RDH12: variants seen among roughly 807,000 people sequenced by gnomAD.
RDH12 encodes retinol dehydrogenase 12, also known as all-trans and 9-cis retinol dehydrogenase.
Under a neutral mutation model 34.0 loss-of-function variants are expected in RDH12, and 21 were observed. That is an observed-to-expected ratio of 0.62 (90% CI 0.44 to 0.89). RDH12 has a LOEUF of 0.89. Among genes scored for constraint, RDH12 ranks in the 40% least tolerant of loss-of-function variants. RDH12 has a pLI of 0.00. For missense variants in RDH12, 394 were observed against 398.6 expected (o/e 0.99, Z 0.10); for synonymous variants, 198 against 169.9 (o/e 1.17, Z -1.29).
intron 2 of RDH12, among the ~76,000 whole-genome samples, chr14:67,721,999 GA>G (rs569967718): frequency 7.9e-5 from 12 of 152,144 alleles, no homozygotes; most frequent in African/African-American, 2.6e-4. Flanking sequence ...TGCACAAGTC[GA>G]AAGCATACGA....
chr14:67,705,282 A>G (rs2037939403), intron 1 of RDH12, among the ~76,000 whole-genome samples: 1 of 152,250 alleles, frequency 6.6e-6, no homozygotes, highest in Non-Finnish European at 1.5e-5. Flanking sequence ...ACAACATACA[A>G]GTTAAAATGT....
chr14:67,723,468 T>TA (rs1420192707), intron 3 of RDH12, among the ~76,000 whole-genome samples: 1 of 152,162 alleles, frequency 6.6e-6, no homozygotes, highest in Non-Finnish European at 1.5e-5. Context: ...CTCCTGGGCT[T>TA]AAGCGACCAT....
At chr14:67,713,399 A>T (rs953798601) in intron 1 of RDH12, among the ~76,000 whole-genome samples, 9 of 3,378 alleles carry the variant, frequency 2.7e-3, no homozygotes, top group African/African-American at 5.7e-3. Context: ...TAAAACTCCA[A>T]AAAAAAAAAA....
In RDH12 at chr14:67,724,468, G is replaced by T. The variant is rs754192276; in HGVS notation, c.69-5G>T. 6.3e-7 allele frequency: 1 copy of T among 1,584,458 alleles called. No homozygotes were observed. Among genetic ancestry groups the T allele is most frequent in the South Asian group, 1.1e-5 (1 of 90,176 alleles). ...ACGTGATGCTCTTGTTTCCCTTGCCGATAGGAAGTTCTTTGCTGGTGGAGT... is the reference window on the plus strand; with the variant it reads ...ACGTGATGCTCTTGTTTCCCTTGCCTATAGGAAGTTCTTTGCTGGTGGAGT... On this transcript the variant is annotated splice_region_variant and splice_polypyrimidine_tract_variant and intron_variant, in intron 3 of 8. Transcript: ENST00000551171.
At chr14:67,729,420 C>T (rs1201422908) in intron 8 of RDH12, 40 bp downstream of exon 8, 1 of 1,573,844 alleles carries the variant, frequency 6.4e-7, no homozygotes, top group South Asian at 1.1e-5. Flanking sequence ...CACCTGTGTG[C>T]ATGGGAGGTG....
intron 3 of RDH12, among the ~76,000 whole-genome samples, chr14:67,723,696 C>T: frequency 6.6e-6 from 1 of 152,176 alleles, no homozygotes; most frequent in East Asian, 1.9e-4. Flanking sequence ...GGAAATAATA[C>T]TGGAGAAGTT....
At chr14:67,713,277 CA>C (rs201600760) in intron 1 of RDH12, among the ~76,000 whole-genome samples, 6 of 148,712 alleles carry the variant, frequency 4.0e-5, no homozygotes, top group African/African-American at 7.4e-5. Flanking sequence ...AAAAACAAAA[CA>C]AAAAAAAACC....
rs77686476 is a variant in RDH12, at chr14:67,729,179, T to C, written c.659-12T>C. 1.8e-4 allele frequency: 283 copies of C among 1,612,904 alleles called. No individual in the cohort carries two copies. In the African/African-American group the frequency reaches 3.4e-3, roughly 20 times the overall value. On this transcript the variant is annotated splice_polypyrimidine_tract_variant and intron_variant, in intron 7 of 8. Coordinates refer to ENST00000551171, the MANE Select transcript of RDH12 (RefSeq NM_152443.3). ...GTGTGTCCCTGATCTAATTGTGCCC[T>C]CTTTGTCCCAGGCACCGGGGTCACC... is the stretch of plus-strand genomic sequence containing the variant.
chr14:67,729,187 C>T lies in RDH12; in HGVS notation c.659-4C>T. The T allele has an allele frequency of 6.8e-6, 11 of 1,612,850 alleles. No individual in the cohort carries two copies. Among genetic ancestry groups the T allele is most frequent in the Non-Finnish European group, 9.3e-6 (11 of 1,179,966 alleles). On this transcript the variant is annotated splice_region_variant and splice_polypyrimidine_tract_variant and intron_variant, in intron 7 of 8. Transcript: ENST00000551171. The stretch of plus-strand genomic sequence containing the variant: ...CTGATCTAATTGTGCCCTCTTTGTC[C>T]CAGGCACCGGGGTCACCACCTACGC...
Position 67,733,863 on chromosome 14 carries a change from G to A in RDH12, c.*15G>A. 6.3e-7 allele frequency: 1 copy of A among 1,581,406 alleles called. No homozygotes were observed. Among genetic ancestry groups the A allele is most frequent in the South Asian group, 1.1e-5 (1 of 90,358 alleles). ...GGTGGGAGTAGCTGGTGGAAGAGCT[G>A]CAGCTTTATCAGGCCCAATCCATGC... On this transcript the variant is annotated 3_prime_UTR_variant, in exon 9 of 9. Coordinates refer to ENST00000551171, the MANE Select transcript of RDH12 (RefSeq NM_152443.3).
At chr14:67,709,496 C>T (rs1250458184) in intron 1 of RDH12, among the ~76,000 whole-genome samples, 1 of 152,138 alleles carries the variant, frequency 6.6e-6, no homozygotes, top group Non-Finnish European at 1.5e-5. Flanking sequence ...GACACAGGGG[C>T]CCATATGCTG....
chr14:67,717,039 C>T (rs939272493), intron 1 of RDH12, among the ~76,000 whole-genome samples: 1 of 152,136 alleles, frequency 6.6e-6, no homozygotes, highest in African/African-American at 2.4e-5. Context: ...ATTTTATTAA[C>T]ATACTTCAAA....
intron 1 of RDH12, among the ~76,000 whole-genome samples, chr14:67,715,904 G>A (rs986202711): frequency 1.3e-5 from 2 of 152,172 alleles, no homozygotes; most frequent in African/African-American, 2.4e-5. Flanking sequence ...GAGATAAGAA[G>A]TTGCCTAGAG....
intron 5 of RDH12, 55 bp downstream of exon 5, chr14:67,725,309 C>T (rs997661699): frequency 1.9e-6 from 3 of 1,576,848 alleles, no homozygotes; most frequent in Admixed American, 1.7e-5. Flanking sequence ...GGAGTGGCTG[C>T]TCCACCCTAG....
intron 8 of RDH12, chr14:67,729,918 T>C: frequency 4.7e-6 from 2 of 425,376 alleles, no homozygotes; most frequent in East Asian, 7.0e-5. Flanking sequence ...GGGTGAAATC[T>C]CTTTCCCATT....
intron 4 of RDH12, 152 bp from the exon 5 acceptor site, chr14:67,724,947 T>C (rs772324728): frequency 2.1e-6 from 2 of 944,170 alleles, no homozygotes; most frequent in Non-Finnish European, 3.4e-6. Context: ...ACAGTACTAC[T>C]GTGAAAAGCC....
rs1566849581 is a variant in RDH12 at position 67,729,360 on chromosome 14, C to T, written c.828C>T (p.Pro276=). 1.3e-6 allele frequency: 2 copies of T among 1,597,902 alleles called. No homozygotes were observed. Among genetic ancestry groups the T allele is most frequent in the Admixed American group, 1.7e-5 (1 of 60,020 alleles). ...LHCALAEGLE[P]LSGKYFSDCK... Reference sequence around the variant, plus strand: ...GCGCCCTGGCTGAGGGCCTGGAGCCCCTGAGTGGCAAGTACTTCAGGTGTG... The same window carrying T: ...GCGCCCTGGCTGAGGGCCTGGAGCCTCTGAGTGGCAAGTACTTCAGGTGTG... Residue 276 remains proline, a synonymous_variant, in exon 8 of 9, where the codon CCC becomes CCT. Transcript: ENST00000551171.
chr14:67,710,857 T>C (rs1348289756), intron 1 of RDH12, among the ~76,000 whole-genome samples: 2 of 152,150 alleles, frequency 1.3e-5, no homozygotes, highest in Non-Finnish European at 2.9e-5. Flanking sequence ...TACAAGTATT[T>C]ATTCTATTAC....
intron 1 of RDH12, among the ~76,000 whole-genome samples, chr14:67,703,560 T>C (rs2037922415): frequency 1.3e-5 from 2 of 152,230 alleles, no homozygotes; most frequent in Admixed American, 1.3e-4. Flanking sequence ...CGATCCTACA[T>C]GTTAACTCTG....
Sources: allele counts gnomAD v4.1 joint callset (sites outside exome capture counted in the v4.1 genomes callset), GRCh38; gene constraint gnomAD v4.1.1; transcripts MANE v1.5; gene names NCBI Gene and HGNC (gene_info 2026-07-23, HGNC 2026-07-21).